The following SLC45A4 variants were observed in gnomAD, a reference collection of about 807,000 sequenced individuals.
The protein encoded by SLC45A4 is polyamine-transporter SLC45A4.
SLC45A4 carries 32 observed loss-of-function variants against 63.7 expected under a neutral mutation model. That is an observed-to-expected ratio of 0.50 (90% CI 0.38 to 0.67). The LOEUF is 0.67. Among genes scored for constraint, SLC45A4 ranks in the 30% least tolerant of loss-of-function variants. SLC45A4 has a pLI of 0.00. For synonymous variants in SLC45A4, 535 were observed against 510.0 expected, an observed-to-expected ratio of 1.05 and a Z score of -0.66; for missense variants, 1,027 against 1,157.7, an observed-to-expected ratio of 0.89 and a Z score of 1.64.
rs1035904657 is a variant in SLC45A4 at position 141,295,837 on chromosome 8, T to C, written c.-401+12259A>G. On this transcript the variant is annotated intron_variant, in intron 1 of 8. Coordinates refer to ENST00000517878, the MANE Select transcript of SLC45A4 (RefSeq NM_001286646.2). ...TGAGTGCCCCAGCAGCCAGCAGCCC[T>C]GCACCGCCCAGGATGGTGCGGAGCT... Among the ~76,000 whole-genome samples, 6 of 152,340 alleles carry C rather than the reference T, an allele frequency of 3.9e-5. 1 individual carries two copies. The highest frequency in any genetic ancestry group is 3.9e-4 in the Admixed American group (6 of 15,308).
At chr8:141,234,717 G>A (rs193288721) in intron 2 of SLC45A4, among the ~76,000 whole-genome samples, 207 of 152,298 alleles carry the variant, frequency 1.4e-3, no homozygotes, top group Non-Finnish European at 2.1e-3. Flanking sequence ...GTGGCCTGAG[G>A]TGACCTCCCT....
At chr8:141,280,299 T>C (rs1158881381) in intron 1 of SLC45A4, among the ~76,000 whole-genome samples, 1 of 152,122 alleles carries the variant, frequency 6.6e-6, no homozygotes, top group African/African-American at 2.4e-5. Flanking sequence ...GGATCCCTGA[T>C]GGCCAGGCGC....
intron 1 of SLC45A4, among the ~76,000 whole-genome samples, chr8:141,301,516 G>A (rs1251429371): frequency 1.3e-5 from 2 of 152,044 alleles, no homozygotes; most frequent in African/African-American, 4.8e-5. Context: ...CCTGAGGCAG[G>A]AGGGAGGGTC....
At chr8:141,275,590 T>TA (rs1829698647) in intron 1 of SLC45A4, among the ~76,000 whole-genome samples, 1 of 150,462 alleles carries the variant, frequency 6.6e-6, no homozygotes, top group Non-Finnish European at 1.5e-5. Flanking sequence ...GCCTGGGCAA[T>TA]ATAGTGAGAC....
rs1311196166 is a variant in SLC45A4 at position 141,210,486 on chromosome 8, C to G, written c.*1086G>C. On this transcript the variant is annotated 3_prime_UTR_variant, in exon 9 of 9. Coordinates refer to ENST00000517878, the MANE Select transcript of SLC45A4 (RefSeq NM_001286646.2). ...ACCGTGGCCTGGCAGACACACCGTG[C>G]GTGAGCAGGTACCCAACTGCCACCC... The G allele has an allele frequency of 6.6e-6, 1 of 152,232 alleles. No homozygotes were observed. The highest frequency in any genetic ancestry group is 1.5e-5 in the Non-Finnish European group (1 of 68,052). The allele number at this position is 152,232 out of a possible 1,614,324, so 9.4% of individuals were successfully genotyped here.
chr8:141,231,527 G>A (rs1047945704), intron 2 of SLC45A4, among the ~76,000 whole-genome samples: 4 of 152,230 alleles, frequency 2.6e-5, no homozygotes, highest in Admixed American at 6.5e-5. Flanking sequence ...ACCTGGAGTC[G>A]GATGCCACGT....
Position 141,229,974 on chromosome 8 carries a change from G to C in SLC45A4, c.242-8209C>G. 2.3e-6 allele frequency: 1 copy of C among 443,228 alleles called. No homozygotes were observed. Among genetic ancestry groups the C allele is most frequent in the South Asian group, 1.6e-5 (1 of 62,804 alleles). The allele number at this position is 443,228 out of a possible 1,614,324, so 27.5% of individuals were successfully genotyped here. Reference sequence around the variant, plus strand: ...GATCCCTGCCTGCACTCCCGAGGCCGTGGTGCTCTGATGACATCCATGGGC... The same window carrying C: ...GATCCCTGCCTGCACTCCCGAGGCCCTGGTGCTCTGATGACATCCATGGGC... On this transcript the variant is annotated intron_variant, in intron 2 of 8. Transcript: ENST00000517878. The surrounding 1 kb of genome is among the most constrained non-coding windows in gnomAD (Gnocchi z 5.0).
chr8:141,220,938 T>C (rs1311677344), intron 3 of SLC45A4, among the ~76,000 whole-genome samples: 1 of 152,212 alleles, frequency 6.6e-6, no homozygotes, highest in African/African-American at 2.4e-5. Context: ...GCATCGCCTG[T>C]TGGCGACGAA....
chr8:141,221,794 C>T (rs376024544), intron 2 of SLC45A4, 29 bp from the exon 3 acceptor site: 315 of 1,601,218 alleles, frequency 2.0e-4, no homozygotes, highest in East Asian at 3.1e-4. Flanking sequence ...CCGTCGCACA[C>T]GCAGGCACTG....
intron 1 of SLC45A4, among the ~76,000 whole-genome samples, chr8:141,296,758 C>A (rs1394244735): frequency 6.7e-6 from 1 of 149,954 alleles, no homozygotes; most frequent in Non-Finnish European, 1.5e-5. Flanking sequence ...ATCGCTTGTA[C>A]CCACGAGGCA....
intron 2 of SLC45A4, among the ~76,000 whole-genome samples, chr8:141,231,965 A>G (rs1284009507): frequency 2.0e-5 from 3 of 152,224 alleles, no homozygotes; most frequent in Non-Finnish European, 4.4e-5. Context: ...CTGGGTAACC[A>G]AGGCTCCAGG....
chr8:141,230,056 A>G, intron 2 of SLC45A4: 1 of 456,196 alleles, frequency 2.2e-6, no homozygotes, highest in Non-Finnish European at 4.4e-6. Context: ...GATGATAAGA[A>G]AGTTCTCTGC....
chr8:141,230,471 G>T (rs1390084255), intron 2 of SLC45A4: 1 of 199,830 alleles, frequency 5.0e-6, no homozygotes, highest in Non-Finnish European at 1.0e-5. Context: ...AGCTGTGCCG[G>T]AGAGGGGTCC....
intron 2 of SLC45A4, chr8:141,230,139 C>A (rs1194537449): frequency 2.2e-6 from 1 of 456,042 alleles, no homozygotes; most frequent in Non-Finnish European, 4.4e-6. Context: ...ACACAGCCGG[C>A]CCGGTGAGTA....
chr8:141,271,950 C>T (rs577685891), intron 1 of SLC45A4, among the ~76,000 whole-genome samples: 1 of 151,998 alleles, frequency 6.6e-6, no homozygotes, highest in African/African-American at 2.4e-5. Flanking sequence ...CACACATGCA[C>T]TCACACGTGT....
chr8:141,271,847 G>GCA (rs1829538036), intron 1 of SLC45A4, among the ~76,000 whole-genome samples: 1 of 136,560 alleles, frequency 7.3e-6, no homozygotes, highest in African/African-American at 2.7e-5. Context: ...ACACACCTGT[G>GCA]TACACACACA....
intron 2 of SLC45A4, among the ~76,000 whole-genome samples, chr8:141,222,256 C>A (rs1422308819): frequency 6.6e-6 from 1 of 152,224 alleles, no homozygotes; most frequent in South Asian, 2.1e-4. Context: ...GAAGGGCCCA[C>A]GACTTCTAGA....
chr8:141,305,246 G>A (rs1193792297), intron 1 of SLC45A4, among the ~76,000 whole-genome samples: 1 of 152,178 alleles, frequency 6.6e-6, no homozygotes, highest in Admixed American at 6.5e-5. Context: ...TCTAGGAGCC[G>A]GTGGGGGAGG....
chr8:141,287,521 C>T (rs1346108148), intron 1 of SLC45A4, among the ~76,000 whole-genome samples: 1 of 152,212 alleles, frequency 6.6e-6, no homozygotes, highest in African/African-American at 2.4e-5. Context: ...ATGGCCAGGA[C>T]GCTGGGCTTC....
Sources: gnomAD v4.1 joint callset for allele counts (sites outside exome capture counted in the v4.1 genomes callset) on GRCh38, gnomAD v4.1.1 for gene constraint, Gnocchi (gnomAD v3.1) non-coding constraint, MANE v1.5 for transcripts, NCBI Gene and HGNC (gene_info 2026-07-23, HGNC 2026-07-21) for gene names.